ROBO2: variants seen among roughly 807,000 people sequenced by gnomAD.
The protein encoded by ROBO2 is roundabout guidance receptor 2.
A neutral mutation model predicts 160.8 loss-of-function variants in ROBO2; 53 were observed. The observed-to-expected ratio is 0.33, with a 90% CI of 0.26 to 0.41. ROBO2 has a LOEUF of 0.41. Ranked by LOEUF, ROBO2 falls within the 10% of genes least tolerant of loss-of-function variation. The probability of loss-of-function intolerance (pLI) is 1.00; values close to 1 mark genes in which losing one functional copy is unlikely to be tolerated. For synonymous variants in ROBO2, 664 were observed against 611.7 expected (o/e 1.09, Z -1.26); for missense variants, 1,577 against 1,722.4 (o/e 0.92, Z 1.49).
intron 2 of ROBO2, among the ~76,000 whole-genome samples, chr3:76,508,899 G>A (rs1416381898): frequency 6.6e-6 from 1 of 151,982 alleles, no homozygotes; most frequent in Non-Finnish European, 1.5e-5. Flanking sequence ...TTCTAACCTA[G>A]GTCATATTGA....
At chr3:76,217,269 C>G (rs1703608447) in intron 2 of ROBO2, among the ~76,000 whole-genome samples, 2 of 152,008 alleles carry the variant, frequency 1.3e-5, no homozygotes. Context: ...AAAGCAAGAG[C>G]AAACATATTC....
At chr3:77,022,925 G>A (rs1376282374) in intron 2 of ROBO2, among the ~76,000 whole-genome samples, 1 of 152,074 alleles carries the variant, frequency 6.6e-6, no homozygotes, top group Non-Finnish European at 1.5e-5. Context: ...CTGAAACCCT[G>A]TATCTATTAA....
At chr3:76,151,665 T>C (rs1424714981) in intron 2 of ROBO2, among the ~76,000 whole-genome samples, 1 of 152,128 alleles carries the variant, frequency 6.6e-6, no homozygotes, top group Admixed American at 6.6e-5. Context: ...GAGCCTTCTG[T>C]TCTCTGTTGT....
At chr3:76,422,491 G>A (rs1354161877) in intron 2 of ROBO2, among the ~76,000 whole-genome samples, 2 of 152,172 alleles carry the variant, frequency 1.3e-5, no homozygotes, top group Admixed American at 6.5e-5. Context: ...TCTCAACAAA[G>A]ATTAAAAACT....
chr3:76,869,898 A>G (rs2071844733), intron 2 of ROBO2, among the ~76,000 whole-genome samples: 1 of 152,080 alleles, frequency 6.6e-6, no homozygotes, highest in Non-Finnish European at 1.5e-5. Context: ...CCCTTTAACA[A>G]TTCTCATCCT....
intron 2 of ROBO2, among the ~76,000 whole-genome samples, chr3:77,154,566 C>A (rs2077822411): frequency 6.6e-6 from 1 of 151,982 alleles, no homozygotes; most frequent in Non-Finnish European, 1.5e-5. Context: ...AAGGCGCATG[C>A]ACTGGCAAGT....
intron 2 of ROBO2, among the ~76,000 whole-genome samples, chr3:77,357,357 C>T (rs10865559): frequency 0.42 from 64,452 of 151,880 alleles, 14,665 homozygotes; most frequent in East Asian, 0.71. Flanking sequence ...AGGATGAGTT[C>T]GGCTGGCCCC....
intron 2 of ROBO2, among the ~76,000 whole-genome samples, chr3:77,108,697 A>T (rs1453029935): frequency 6.6e-6 from 1 of 152,064 alleles, no homozygotes; most frequent in Non-Finnish European, 1.5e-5. Flanking sequence ...CTTCTAGGTG[A>T]GTCTGAATGA....
At chr3:77,040,557 T>TA in exon 1 of ROBO2, 8 of 1,409,520 alleles carry the variant, frequency 5.7e-6, no homozygotes, top group Non-Finnish European at 7.4e-6. Context: ...GTGCTGGAAA[T>TA]ACAGCAGCCT....
chr3:76,005,684 T>C (rs1220481884), intron 2 of ROBO2, among the ~76,000 whole-genome samples: 1 of 152,164 alleles, frequency 6.6e-6, no homozygotes, highest in Non-Finnish European at 1.5e-5. Context: ...GGCTAATAAG[T>C]GTTTCCAGAG....
chr3:77,243,701 G>A (rs775661418), intron 2 of ROBO2, among the ~76,000 whole-genome samples: 21 of 152,268 alleles, frequency 1.4e-4, no homozygotes, highest in Non-Finnish European at 2.5e-4. Context: ...TTTAGTGAGC[G>A]CGGCCTTACA....
intron 2 of ROBO2, among the ~76,000 whole-genome samples, chr3:76,897,501 TG>T (rs1177235958): frequency 6.6e-6 from 1 of 152,116 alleles, no homozygotes; most frequent in Non-Finnish European, 1.5e-5. Context: ...TTTGCTCTGA[TG>T]CAGATGTTGA....
chr3:77,395,723 C>T (rs1292330366), intron 2 of ROBO2, among the ~76,000 whole-genome samples: 1 of 152,022 alleles, frequency 6.6e-6, no homozygotes, highest in Non-Finnish European at 1.5e-5. Context: ...GATAATAACA[C>T]TTTACTAAAT....
chr3:77,124,428 G>T (rs1359975332), intron 2 of ROBO2, among the ~76,000 whole-genome samples: 8 of 152,160 alleles, frequency 5.3e-5, no homozygotes, highest in African/African-American at 1.9e-4. Flanking sequence ...TTCATGAGGA[G>T]CCTGGGTTAG....
rs1163752322 is a variant in ROBO2, at chr3:76,854,064, CTCTT to C, written c.110-243946_110-243943del. 7.8e-4 allele frequency among the ~76,000 whole-genome samples: 60 copies of C among 76,814 alleles called. 1 individual carries two copies. The highest frequency in any genetic ancestry group is 2.2e-3 in the African/African-American group (49 of 22,352). 50.4% of individuals were successfully genotyped at this position (76,814 alleles called of 152,430 possible). ...TCTCTCTCTCTCTCTCTCTCTCTCT[CTCTT>C]TCTCTGTCTGCCTCTCTCTCTCTCA... On this transcript the variant is annotated intron_variant, in intron 2 of 26. Coordinates refer to the ROBO2 transcript ENST00000487694.
chr3:77,642,814 A>G, intron 24 of ROBO2: 2 of 456,702 alleles, frequency 4.4e-6, no homozygotes, highest in South Asian at 3.1e-5. Flanking sequence ...CTTAGAAGAC[A>G]CAAAGAGCTC....
chr3:77,228,635 G>A (rs969672150), intron 2 of ROBO2, among the ~76,000 whole-genome samples: 3 of 151,984 alleles, frequency 2.0e-5, no homozygotes, highest in Admixed American at 6.6e-5. Context: ...AATACCTAAT[G>A]TAGATGACCC....
At chr3:77,568,268 A>G in intron 12 of ROBO2, 45 bp from the exon 14 acceptor site, 5 of 1,606,352 alleles carry the variant, frequency 3.1e-6, no homozygotes, top group Non-Finnish European at 4.3e-6. Context: ...TGTAATTTTA[A>G]TATGAATTTT....
chr3:77,455,629 AC>A (rs2081551803), intron 2 of ROBO2, among the ~76,000 whole-genome samples: 1 of 151,788 alleles, frequency 6.6e-6, no homozygotes, highest in South Asian at 2.1e-4. Flanking sequence ...ATGGGGTTTC[AC>A]CATGTTGGCC....
Sources: allele counts gnomAD v4.1 joint callset (sites outside exome capture counted in the v4.1 genomes callset), GRCh38; gene constraint gnomAD v4.1.1; transcripts MANE v1.5; gene names NCBI Gene and HGNC (gene_info 2026-07-23, HGNC 2026-07-21).